Variants in ZNF630 observed in about 807,000 individuals in gnomAD.
ZNF630 encodes zinc finger protein 630.
In ZNF630, 5 loss-of-function variants were observed where a neutral mutation model predicts 7.2. That is an observed-to-expected ratio of 0.70 (90% CI 0.36 to 1.46). The LOEUF (loss-of-function observed/expected upper bound fraction) is 1.46, where lower values mean the gene tolerates loss of function less well. Ranked by LOEUF, ZNF630 falls within the 40% of genes most tolerant of loss-of-function variation. ZNF630 has a pLI of 0.03. For synonymous variants in ZNF630, 158 were observed against 162.8 expected (o/e 0.97, Z 0.23); for missense variants, 461 against 477.0 (o/e 0.97, Z 0.31).
chrX:48,061,748 C>T, intron 2 of ZNF630: 1 of 323,160 alleles, frequency 3.1e-6, no homozygotes, highest in Non-Finnish European at 6.0e-6. Context: ...ATTTCCCTTG[C>T]TGGCACTTCT....
Position 48,060,157 on chromosome X carries a change from T to C in ZNF630, c.285A>G (p.Glu95=). Residue 95 remains glutamate, a synonymous_variant, in exon 5 of 5, where the codon GAA becomes GAG. Transcript: ENST00000276054. ...LESSQQIISG[E]LLFQREILER... ...CTAGTATCTCCCTTTGAAATAAAAG[T>C]TCTCCAGAAATGATCTGCTGGGAAG... 3 of 1,160,327 alleles carry C rather than the reference T, an allele frequency of 2.6e-6. No homozygotes were observed. Among genetic ancestry groups the C allele is most frequent in the Non-Finnish European group, 3.5e-6 (3 of 868,917 alleles).
At chrX:48,068,093 C>T (rs781855944) in intron 1 of ZNF630, among the ~76,000 whole-genome samples, 2 of 93,839 alleles carry the variant, frequency 2.1e-5, no homozygotes, top group South Asian at 1.0e-3. Flanking sequence ...GGAAGGAAGG[C>T]AGGAGGGAAG....
chrX:48,059,792 G>T lies in ZNF630; in HGVS notation c.650C>A (p.Ala217Asp), dbSNP rs200370530. 8.3e-7 allele frequency: 1 copy of T among 1,208,626 alleles called. No homozygotes were observed. The change falls in exon 5 of 5, where the codon GCT becomes GAT. Residue 217 changes from alanine (A) to aspartate (D), a missense_variant. Transcript: ENST00000276054. Reference sequence around the variant, plus strand: ...TTCCTTCTCAGGCACAGAACAGGAAGCATTATACTTAGGTGGTCTCCCACA... The same window carrying T: ...TTCCTTCTCAGGCACAGAACAGGAATCATTATACTTAGGTGGTCTCCCACA... Reference protein sequence around the residue: ...FRCGRPPKYNASCSVPEKEGF... With the variant: ...FRCGRPPKYNDSCSVPEKEGF...
chrX:48,061,057 T>C, intron 2 of ZNF630, 112 bp from the exon 3 acceptor site: 4 of 633,784 alleles, frequency 6.3e-6, no homozygotes, highest in Non-Finnish European at 9.1e-6. Context: ...AGAGAAACAA[T>C]GTAAAACCCT....
intron 3 of ZNF630, 98 bp downstream of exon 3, chrX:48,060,721 C>G (rs2059101328): frequency 1.0e-6 from 1 of 994,396 alleles, no homozygotes; most frequent in Non-Finnish European, 1.3e-6. Flanking sequence ...AAAGAACACA[C>G]TCTATTAAAG....
rs1021243275 is a variant in ZNF630 at position 48,057,855 on chromosome X, A to G, written c.*613T>C. Among the ~76,000 whole-genome samples, 1 of 110,494 alleles carries G rather than the reference A, an allele frequency of 9.1e-6. No homozygotes were observed. The highest frequency in any genetic ancestry group is 1.9e-5 in the Non-Finnish European group (1 of 52,895). Reference sequence around the variant, plus strand: ...TGGATCACCTGAGGTCAGGAGTTCGAGACCAGCCTTGCCAACATGGTGAAA... The same window carrying G: ...TGGATCACCTGAGGTCAGGAGTTCGGGACCAGCCTTGCCAACATGGTGAAA... On this transcript the variant is annotated 3_prime_UTR_variant, in exon 5 of 5. Transcript: ENST00000276054.
At chrX:48,065,267 C>T (rs1485797240) in intron 2 of ZNF630, among the ~76,000 whole-genome samples, 2 of 109,961 alleles carry the variant, frequency 1.8e-5, no homozygotes, top group African/African-American at 3.3e-5. Flanking sequence ...TTTGGGAGGC[C>T]GAGGTGGGTG....
chrX:48,066,646 T>A (rs2059132617), intron 2 of ZNF630: 1 of 409,766 alleles, frequency 2.4e-6, no homozygotes, highest in African/African-American at 2.6e-5. Flanking sequence ...ACATTATTGA[T>A]CATGTTATGT....
At position 48,059,272 on chromosome X, in the gene ZNF630, A is replaced by C; in HGVS notation, c.1170T>G (p.Leu390=). 1 of 1,208,460 alleles carries C rather than the reference A, an allele frequency of 8.3e-7. No homozygotes were observed. Among genetic ancestry groups the C allele is most frequent in the Non-Finnish European group, 1.1e-6 (1 of 893,169 alleles). The part of the protein sequence containing the change: ...CRKAFCEMSH[L]FIHQITHTGK... Reference sequence around the variant, plus strand: ...CAGTATGAGTTATCTGGTGTATAAAAAGGTGAGACATCTCACAGAAGGCTT... The same window carrying C: ...CAGTATGAGTTATCTGGTGTATAAACAGGTGAGACATCTCACAGAAGGCTT... Residue 390 remains leucine (L), a synonymous_variant, in exon 5 of 5, where the codon CTT becomes CTG. Transcript: ENST00000276054.
At chrX:48,070,644 A>G (rs1476424302) in intron 1 of ZNF630, among the ~76,000 whole-genome samples, 1 of 108,507 alleles carries the variant, frequency 9.2e-6, no homozygotes, top group Non-Finnish European at 1.9e-5. Flanking sequence ...ATTCCTACAA[A>G]TCATTAAGAA....
At position 48,058,588 on chromosome X, in the gene ZNF630, C is replaced by G. The variant is rs782321779; in HGVS notation, c.1854G>C (p.Gln618His). 4 of 1,202,482 alleles carry G rather than the reference C, an allele frequency of 3.3e-6. No homozygotes were observed. In the African/African-American group the frequency reaches 7.1e-5, roughly 21 times the overall value. ...AGGGTTTCTCCCCAGTGTGTCTTCT[C>G]TGATATGTAATCATCTGTGATTTCC... ...FFWKSQMITY[Q>H]RRHTGEKPSR... Residue 618 changes from glutamine (Q) to histidine (H), a missense_variant, in exon 5 of 5, where the codon CAG becomes CAC. Coordinates refer to ENST00000276054, the MANE Select transcript of ZNF630 (RefSeq NM_001282201.2).
chrX:48,067,756 G>A (rs1437450792), intron 1 of ZNF630, among the ~76,000 whole-genome samples: 2 of 110,583 alleles, frequency 1.8e-5, no homozygotes, highest in Admixed American at 1.9e-4. Context: ...GGCAACATAG[G>A]GAGACCCATC....
At chrX:48,062,161 G>T (rs1313716904) in intron 2 of ZNF630, among the ~76,000 whole-genome samples, 1 of 111,379 alleles carries the variant, frequency 9.0e-6, no homozygotes, top group Non-Finnish European at 1.9e-5. Context: ...CAAGAAGCAG[G>T]CATACTCAAA....
In ZNF630 at chrX:48,058,747, A is replaced by G; in HGVS notation, c.1695T>C (p.His565=). 1 of 1,207,393 alleles carries G rather than the reference A, an allele frequency of 8.3e-7. No individual in the cohort carries two copies. Among genetic ancestry groups the G allele is most frequent in the Non-Finnish European group, 1.1e-6 (1 of 892,565 alleles). ...KSHLILHQRG[H]TGEKPYECSE... is the part of the protein sequence containing the mutation. ...TACATTCATAGGGTTTCTCTCCAGT[A>G]TGACCTCTCTGATGTAGAATGAGAT... Residue 565 remains histidine, a synonymous_variant, in exon 5 of 5, where the codon CAT becomes CAC. Coordinates refer to ENST00000276054, the MANE Select transcript of ZNF630 (RefSeq NM_001282201.2).
At chrX:48,069,940 C>G (rs1482638079) in intron 1 of ZNF630, among the ~76,000 whole-genome samples, 1 of 106,565 alleles carries the variant, frequency 9.4e-6, no homozygotes, top group African/African-American at 3.4e-5. Context: ...TCACTGCAAG[C>G]TCCGCCTCCC....
chrX:48,059,305 T>C lies in ZNF630; in HGVS notation c.1137A>G (p.Glu379=), dbSNP rs1569419811. 2 of 1,208,536 alleles carry C rather than the reference T, an allele frequency of 1.7e-6. No homozygotes were observed. The highest frequency in any genetic ancestry group is 2.2e-6 in the Non-Finnish European group (2 of 893,235). Residue 379 remains glutamate, a synonymous_variant, in exon 5 of 5, where the codon GAA becomes GAG. Transcript: ENST00000276054. ...HTREKPFECS[E]CRKAFCEMSH... is the part of the protein sequence containing the mutation. The stretch of plus-strand genomic sequence containing the variant: ...ACATCTCACAGAAGGCTTTCCTGCA[T>C]TCACTGCATTCAAAGGGCTTCTCTC...
At chrX:48,064,330 T>C (rs2059120150) in intron 2 of ZNF630, among the ~76,000 whole-genome samples, 1 of 111,796 alleles carries the variant, frequency 8.9e-6, no homozygotes, top group Non-Finnish European at 1.9e-5. Context: ...CCTGCAAACA[T>C]TAAATGGACA....
At position 48,057,882 on chromosome X, in the gene ZNF630, C is replaced by T. The variant is rs1556908041; in HGVS notation, c.*586G>A. On this transcript the variant is annotated 3_prime_UTR_variant, in exon 5 of 5. Coordinates refer to ENST00000276054, the MANE Select transcript of ZNF630 (RefSeq NM_001282201.2). ...ACCAGCCTTGCCAACATGGTGAAAC[C>T]CCATCTCTACTAAAAATACAAAAAT... Among the ~76,000 whole-genome samples, 3 of 109,498 alleles carry T rather than the reference C, an allele frequency of 2.7e-5. No individual in the cohort carries two copies. Among genetic ancestry groups the T allele is most frequent in the African/African-American group, 1.0e-4 (3 of 29,918 alleles).
In ZNF630 at chrX:48,066,966, T is replaced by C. The variant is rs181538424; in HGVS notation, c.-80A>G. ...TCGGAGATCAAGCTGAGTTAACCAC[T>C]CTTCAACAGCTGGATGTGACAATGT... On this transcript the variant is annotated 5_prime_UTR_variant, in exon 2 of 5. Transcript: ENST00000276054. The C allele has an allele frequency of 6.7e-4, 674 of 1,013,414 alleles. 13 individuals carry two copies. The African/African-American group carries it at 0.011, about 17-fold the overall frequency. 83.5% of individuals were successfully genotyped at this position (1,013,414 alleles called of 1,213,427 possible). A position where few individuals can be genotyped will look rare whatever the true frequency, so the allele number is the denominator to read the frequency against.
Sources: gnomAD v4.1 joint callset for allele counts (sites outside exome capture counted in the v4.1 genomes callset) on GRCh38, gnomAD v4.1.1 for gene constraint, MANE v1.5 for transcripts, NCBI Gene and HGNC (gene_info 2026-07-23, HGNC 2026-07-21) for gene names.